The following CHRDL2 variants were observed in gnomAD, a reference collection of about 807,000 sequenced individuals.
CHRDL2 encodes the protein chordin-like protein 2.
Under a neutral mutation model 54.3 loss-of-function variants are expected in CHRDL2, and 41 were observed. The ratio of observed to expected loss-of-function variants is 0.76; its 90% CI spans 0.59 to 0.98. CHRDL2 has a LOEUF of 0.98. Ranked by LOEUF, CHRDL2 falls within the 50% of genes least tolerant of loss-of-function variation. CHRDL2 has a pLI of 0.00. For synonymous variants in CHRDL2, 220 were observed against 224.3 expected (o/e 0.98, Z 0.17); for missense variants, 518 against 562.4 (o/e 0.92, Z 0.80).
chr11:74,710,186 G>C (rs541696744), intron 4 of CHRDL2, among the ~76,000 whole-genome samples: 34 of 151,062 alleles, frequency 2.3e-4, no homozygotes, highest in Non-Finnish European at 4.0e-4. Flanking sequence ...ACTACACTCC[G>C]GCCTGGGTGA....
chr11:74,717,152 T>TA (rs2034381713), intron 2 of CHRDL2, among the ~76,000 whole-genome samples: 10 of 151,828 alleles, frequency 6.6e-5, no homozygotes, highest in Admixed American at 6.6e-4. Flanking sequence ...AGGATGGATT[T>TA]AGGGGGGGAA....
In CHRDL2 at chr11:74,702,999, A is replaced by T. The variant is rs769752972; in HGVS notation, c.947-32T>A. On this transcript the variant is annotated intron_variant, in intron 8 of 10. Coordinates refer to ENST00000376332, the MANE Select transcript of CHRDL2 (RefSeq NM_001278473.3). ...AGACAAGAAGCTCATGAAGTGTTCA[A>T]TAAACGTTGGCTGTACCTCTTCAAA... 4.5e-6 allele frequency: 7 copies of T among 1,568,012 alleles called. No individual in the cohort carries two copies. In the East Asian group the frequency reaches 1.6e-4, roughly 35 times the overall value.
chr11:74,697,852 T>C (rs902697145), intron 9 of CHRDL2, among the ~76,000 whole-genome samples: 1 of 152,114 alleles, frequency 6.6e-6, no homozygotes, highest in African/African-American at 2.4e-5. Context: ...TGTGAACTGG[T>C]CACGCTTTTC....
At chr11:74,697,574 C>G (rs3741124) in intron 9 of CHRDL2, 480,988 of 530,396 alleles carry the variant, frequency 0.91, 219,301 homozygotes, top group African/African-American at 0.96. Context: ...AATCCTAGCT[C>G]TGGTCATTAG....
At chr11:74,705,833 C>T (rs1429802645) in intron 6 of CHRDL2, among the ~76,000 whole-genome samples, 1 of 152,104 alleles carries the variant, frequency 6.6e-6, no homozygotes, top group African/African-American at 2.4e-5. Context: ...TGGACATGGG[C>T]TCAGGCTTCT....
At chr11:74,729,105 T>C (rs1395003460) in intron 1 of CHRDL2, among the ~76,000 whole-genome samples, 1 of 152,070 alleles carries the variant, frequency 6.6e-6, no homozygotes, top group African/African-American at 2.4e-5. Flanking sequence ...AGGGTGTGGG[T>C]AGGATAACAG....
intron 2 of CHRDL2, among the ~76,000 whole-genome samples, chr11:74,716,832 C>T (rs1472610206): frequency 6.6e-6 from 1 of 152,054 alleles, no homozygotes; most frequent in African/African-American, 2.4e-5. Context: ...GTGGCTCACT[C>T]CTGTAATCCC....
At chr11:74,712,710 T>C (rs775111842) in intron 3 of CHRDL2, among the ~76,000 whole-genome samples, 7 of 152,162 alleles carry the variant, frequency 4.6e-5, no homozygotes, top group Non-Finnish European at 1.0e-4. Context: ...TTGATGCTTC[T>C]AAACATCAAT....
intron 9 of CHRDL2, among the ~76,000 whole-genome samples, chr11:74,701,962 G>A (rs6592592): frequency 0.7 from 106,527 of 152,036 alleles, 37,601 homozygotes; most frequent in African/African-American, 0.75. Flanking sequence ...TTTCCTTATC[G>A]ATGAAAACCT....
intron 9 of CHRDL2, 106 bp downstream of exon 9, chr11:74,702,688 A>T: frequency 8.6e-7 from 1 of 1,164,770 alleles, no homozygotes; most frequent in African/African-American, 1.5e-5. Context: ...CGGGGCAGCC[A>T]GAGGCACCTG....
chr11:74,711,513 C>G (rs770197147), intron 3 of CHRDL2, among the ~76,000 whole-genome samples: 110 of 152,178 alleles, frequency 7.2e-4, no homozygotes, highest in Non-Finnish European at 1.4e-3. Context: ...CATCACCTGC[C>G]CATCAGTCCG....
At chr11:74,703,070 T>G in intron 8 of CHRDL2, 103 bp from the exon 9 acceptor site, 1 of 1,215,204 alleles carries the variant, frequency 8.2e-7, no homozygotes, top group South Asian at 1.5e-5. Flanking sequence ...TCCGGAACAT[T>G]ACTGATTCTA....
In CHRDL2 at chr11:74,711,003, G is replaced by A. The variant is rs1223580667; in HGVS notation, c.290-12C>T. The A allele has an allele frequency of 6.2e-7, 1 of 1,602,078 alleles. No individual in the cohort carries two copies. Among genetic ancestry groups the A allele is most frequent in the Non-Finnish European group, 8.5e-7 (1 of 1,174,068 alleles). Reference sequence around the variant, plus strand: ...GGGAGTGTGAGGTTCTGCAGTGGGGGAGGGGCAGGAGGAAGAAGAAAATGA... The same window carrying A: ...GGGAGTGTGAGGTTCTGCAGTGGGGAAGGGGCAGGAGGAAGAAGAAAATGA... On this transcript the variant is annotated splice_polypyrimidine_tract_variant and intron_variant, in intron 3 of 10. Transcript: ENST00000376332.
At chr11:74,725,609 G>T (rs761240386) in intron 1 of CHRDL2, among the ~76,000 whole-genome samples, 3 of 152,164 alleles carry the variant, frequency 2.0e-5, no homozygotes, top group Admixed American at 2.0e-4. Context: ...GTGATAAAAG[G>T]TTTTTTTATG....
chr11:74,720,522 A>G (rs11236230), intron 1 of CHRDL2, among the ~76,000 whole-genome samples: 1 of 151,904 alleles, frequency 6.6e-6, no homozygotes, highest in African/African-American at 2.4e-5. Flanking sequence ...TCTCTGCCCC[A>G]CCAGCCACCA....
At chr11:74,730,551 A>T (rs1294265369) in intron 1 of CHRDL2, among the ~76,000 whole-genome samples, 1 of 151,444 alleles carries the variant, frequency 6.6e-6, no homozygotes, top group African/African-American at 2.4e-5. Flanking sequence ...CCCAAAACAC[A>T]GTGCCCTGCC....
At chr11:74,717,149 A>G (rs2034381622) in intron 2 of CHRDL2, among the ~76,000 whole-genome samples, 1 of 151,914 alleles carries the variant, frequency 6.6e-6, no homozygotes, top group Non-Finnish European at 1.5e-5. Context: ...TGGAGGATGG[A>G]TTTAGGGGGG....
intron 6 of CHRDL2, among the ~76,000 whole-genome samples, chr11:74,705,679 C>T (rs1445659920): frequency 6.6e-6 from 1 of 152,166 alleles, no homozygotes; most frequent in Non-Finnish European, 1.5e-5. Flanking sequence ...TACGCACTGC[C>T]TCCTAGGAAG....
chr11:74,727,062 C>T (rs774655113), intron 1 of CHRDL2, among the ~76,000 whole-genome samples: 8 of 152,166 alleles, frequency 5.3e-5, no homozygotes, highest in Non-Finnish European at 7.3e-5. Flanking sequence ...AGAGTGGACT[C>T]GGAATCAAGG....
Sources: gnomAD v4.1 joint callset for allele counts (sites outside exome capture counted in the v4.1 genomes callset) on GRCh38, gnomAD v4.1.1 for gene constraint, MANE v1.5 for transcripts, NCBI Gene and HGNC (gene_info 2026-07-23, HGNC 2026-07-21) for gene names.